The following TBC1D5 variants were observed in gnomAD, a reference collection of about 807,000 sequenced individuals.
The protein encoded by TBC1D5 is TBC1 domain family, member 5.
In TBC1D5, 75 loss-of-function variants were observed where a neutral mutation model predicts 100.3. The observed-to-expected ratio is 0.75, with a 90% CI of 0.62 to 0.91. The LOEUF (loss-of-function observed/expected upper bound fraction) is 0.91, where lower values mean the gene tolerates loss of function less well. TBC1D5 is among the 40% of genes least tolerant of loss of function. TBC1D5 has a pLI of 0.00. For missense variants in TBC1D5, 910 were observed against 942.4 expected (o/e 0.97, Z 0.45); for synonymous variants, 323 against 325.6 (o/e 0.99, Z 0.09).
chr3:17,258,598 A>C lies in TBC1D5; in HGVS notation c.1246-7T>G. The C allele has an allele frequency of 1.9e-6, 3 of 1,608,432 alleles. No homozygotes were observed. The highest frequency in any genetic ancestry group is 2.6e-6 in the Non-Finnish European group (3 of 1,176,406). On this transcript the variant is annotated splice_region_variant and splice_polypyrimidine_tract_variant and intron_variant, in intron 15 of 21. Coordinates refer to ENST00000253692, the Ensembl canonical transcript of TBC1D5. ...TCACTGGTCTTGGATTTCTCTAAAA[A>C]AAAATACATTTTTAAAAAGCTAGTT...
intron 1 of TBC1D5, among the ~76,000 whole-genome samples, chr3:17,707,317 A>G (rs1371470841): frequency 1.3e-5 from 2 of 152,136 alleles, no homozygotes; most frequent in South Asian, 4.1e-4. Flanking sequence ...CTATGACATT[A>G]TATCCATTTT....
intron 19 of TBC1D5, among the ~76,000 whole-genome samples, chr3:17,175,227 T>G (rs1575743252): frequency 6.6e-6 from 1 of 152,300 alleles, no homozygotes; most frequent in East Asian, 1.9e-4. Context: ...AACTCAGCAC[T>G]GGGAGAGGAA....
intron 15 of TBC1D5, among the ~76,000 whole-genome samples, chr3:17,287,870 A>C (rs1232217013): frequency 6.6e-6 from 1 of 152,226 alleles, no homozygotes; most frequent in Non-Finnish European, 1.5e-5. Flanking sequence ...ACTAAGGCTC[A>C]GAGCTCCTTG....
At chr3:17,734,283 G>C (rs940660247) in intron 1 of TBC1D5, among the ~76,000 whole-genome samples, 14 of 152,080 alleles carry the variant, frequency 9.2e-5, no homozygotes, top group Non-Finnish European at 1.9e-4. Flanking sequence ...GGCGGAGGGG[G>C]AGAGAAATCC....
At chr3:17,552,525 T>TA (rs2096482963) in intron 2 of TBC1D5, among the ~76,000 whole-genome samples, 1 of 152,056 alleles carries the variant, frequency 6.6e-6, no homozygotes, top group Admixed American at 6.5e-5. Flanking sequence ...GAGCAATTAC[T>TA]AAAAATGGAA....
chr3:17,195,287 T>C (rs144398554), intron 18 of TBC1D5, among the ~76,000 whole-genome samples: 117 of 152,260 alleles, frequency 7.7e-4, no homozygotes, highest in African/African-American at 2.6e-3. Context: ...CATGTAGTTC[T>C]CTCCTCCACC....
chr3:17,335,454 C>T (rs974503922), intron 13 of TBC1D5, among the ~76,000 whole-genome samples: 2 of 152,040 alleles, frequency 1.3e-5, no homozygotes, highest in Admixed American at 1.3e-4. Flanking sequence ...TCAGTGACTC[C>T]ACACCATAAG....
intron 21 of TBC1D5, among the ~76,000 whole-genome samples, chr3:17,162,159 G>C (rs1230578986): frequency 6.6e-6 from 1 of 152,228 alleles, no homozygotes; most frequent in Non-Finnish European, 1.5e-5. Flanking sequence ...AGGTGATGTA[G>C]TGCCCACAGC....
intron 19 of TBC1D5, among the ~76,000 whole-genome samples, chr3:17,168,727 T>C (rs1436282480): frequency 6.6e-6 from 1 of 151,994 alleles, no homozygotes; most frequent in Non-Finnish European, 1.5e-5. Context: ...ATACACCGAT[T>C]TGAGAATCAC....
At chr3:17,438,154 G>A (rs2094571028) in intron 3 of TBC1D5, among the ~76,000 whole-genome samples, 2 of 152,198 alleles carry the variant, frequency 1.3e-5, no homozygotes, top group Non-Finnish European at 2.9e-5. Context: ...TCGAGAAAGA[G>A]TTGCATTGCT....
chr3:17,519,164 G>A (rs1042482266), intron 2 of TBC1D5, among the ~76,000 whole-genome samples: 18 of 152,220 alleles, frequency 1.2e-4, no homozygotes, highest in African/African-American at 4.1e-4. Context: ...TGTAAAGTGT[G>A]TAAGGAGTCA....
intron 1 of TBC1D5, chr3:17,706,199 C>T: frequency 6.4e-7 from 1 of 1,552,720 alleles, no homozygotes; most frequent in Non-Finnish European, 8.7e-7. Flanking sequence ...TCTTCTCCGG[C>T]ATCGCGGCGA....
rs756375716 is a variant in TBC1D5 at position 17,421,207 on chromosome 3, A to G, written c.167+7243T>C. 4.6e-5 allele frequency among the ~76,000 whole-genome samples: 7 copies of G among 152,226 alleles called. No homozygotes were observed. In the South Asian group the frequency reaches 6.2e-4, roughly 13 times the overall value. ...GTTACTTCGAGAAGATGTATTCATC[A>G]TTCAAATGTGATTTTTCTTTACTCA... On this transcript the variant is annotated intron_variant, in intron 4 of 21. Coordinates refer to ENST00000253692, the Ensembl canonical transcript of TBC1D5.
At chr3:17,334,165 G>C (rs2087312878) in intron 13 of TBC1D5, among the ~76,000 whole-genome samples, 1 of 152,014 alleles carries the variant, frequency 6.6e-6, no homozygotes, top group African/African-American at 2.4e-5. Flanking sequence ...CTGGAAATAT[G>C]ACCGTGAGAG....
At chr3:17,702,156 G>A (rs2073307806) in intron 1 of TBC1D5, 1 of 152,138 alleles carries the variant, frequency 6.6e-6, no homozygotes, top group African/African-American at 2.4e-5. Flanking sequence ...CGTCTTCAAT[G>A]TGAGGTGAGC....
At chr3:17,412,965 G>A (rs2093975023) in intron 4 of TBC1D5, among the ~76,000 whole-genome samples, 1 of 152,126 alleles carries the variant, frequency 6.6e-6, no homozygotes, top group African/African-American at 2.4e-5. Flanking sequence ...TCAAGCCCAT[G>A]GACATGCAGA....
chr3:17,380,045 ATGTGTGTGTGTGTGTGTGTG>A (rs3041142), intron 9 of TBC1D5, among the ~76,000 whole-genome samples: 1 of 112,450 alleles, frequency 8.9e-6, no homozygotes, highest in Non-Finnish European at 1.8e-5. Context: ...GTGACTGTGT[ATGTGTGTGTGTGTGTGTGTG>A]TGTGTGTGTG....
chr3:17,693,471 T>C (rs997451729), intron 1 of TBC1D5, among the ~76,000 whole-genome samples: 1 of 152,192 alleles, frequency 6.6e-6, no homozygotes, highest in East Asian at 1.9e-4. Flanking sequence ...CACGGAGCCT[T>C]GCTCACTGCT....
At chr3:17,347,843 C>T (rs2090095907) in intron 13 of TBC1D5, among the ~76,000 whole-genome samples, 1 of 152,032 alleles carries the variant, frequency 6.6e-6, no homozygotes, top group African/African-American at 2.4e-5. Context: ...TAAAAAACAA[C>T]AACAAAAAAA....
Sources: gnomAD v4.1 joint callset for allele counts (sites outside exome capture counted in the v4.1 genomes callset) on GRCh38, gnomAD v4.1.1 for gene constraint, MANE v1.5 for transcripts, NCBI Gene and HGNC (gene_info 2026-07-23, HGNC 2026-07-21) for gene names.